SESTD1: variants seen among roughly 807,000 people sequenced by gnomAD.
SESTD1 encodes SEC14 and spectrin domain containing 1, also known as SEC14 domain and spectrin repeat-containing protein 1.
In SESTD1, 43 loss-of-function variants were observed where a neutral mutation model predicts 101.7. The observed-to-expected ratio is 0.42, with a 90% CI of 0.33 to 0.55. SESTD1 has a LOEUF of 0.55. Among genes scored for constraint, SESTD1 ranks in the 20% least tolerant of loss-of-function variants. The probability of loss-of-function intolerance (pLI) is 0.07; values close to 1 mark genes in which losing one functional copy is unlikely to be tolerated. For missense variants in SESTD1, 647 were observed against 815.1 expected (o/e 0.79, Z 2.51); for synonymous variants, 283 against 286.8 (o/e 0.99, Z 0.13).
chr2:179,132,652 T>C (rs911278925), intron 9 of SESTD1, among the ~76,000 whole-genome samples: 1 of 152,230 alleles, frequency 6.6e-6, no homozygotes, highest in African/African-American at 2.4e-5. Flanking sequence ...ATCACAAGCT[T>C]TCAGCTATCT....
chr2:179,195,020 A>G (rs2046369035), intron 1 of SESTD1, among the ~76,000 whole-genome samples: 1 of 152,214 alleles, frequency 6.6e-6, no homozygotes, highest in African/African-American at 2.4e-5. Context: ...CTACAGAGAA[A>G]GAAAAATGCA....
chr2:179,188,798 A>G (rs1436291415), intron 2 of SESTD1, among the ~76,000 whole-genome samples: 2 of 152,174 alleles, frequency 1.3e-5, no homozygotes, highest in African/African-American at 4.8e-5. Context: ...AATACAAAAG[A>G]CTTCTGTGCA....
chr2:179,208,147 C>T (rs2046612006), intron 1 of SESTD1, among the ~76,000 whole-genome samples: 1 of 134,110 alleles, frequency 7.5e-6, no homozygotes, highest in East Asian at 2.0e-4. Flanking sequence ...AAAGACAAGG[C>T]TTTCGAATTA....
At chr2:179,165,241 T>C (rs917491737) in intron 5 of SESTD1, among the ~76,000 whole-genome samples, 1 of 152,154 alleles carries the variant, frequency 6.6e-6, no homozygotes, top group African/African-American at 2.4e-5. Flanking sequence ...AGAAAACATA[T>C]TGATATAAGA....
chr2:179,191,706 T>G (rs559428560), intron 2 of SESTD1, 81 bp downstream of exon 2: 1 of 1,122,184 alleles, frequency 8.9e-7, no homozygotes, highest in African/African-American at 1.6e-5. Flanking sequence ...TAAAAAAAAA[T>G]GCATCTGTCA....
rs369382870 is a variant in SESTD1 at position 179,240,931 on chromosome 2, T to C, written c.-26+23568A>G. On this transcript the variant is annotated intron_variant, in intron 1 of 17. Transcript: ENST00000428443. ...GACAATGATTTTAAAGCAGCCATGA[T>C]GAAAATGCTTCCACAAGGAATTATG... Among the ~76,000 whole-genome samples the C allele has an allele frequency of 3.9e-5, 6 of 152,200 alleles. No homozygotes were observed. In the South Asian group the frequency reaches 6.2e-4, roughly 16 times the overall value.
intron 1 of SESTD1, among the ~76,000 whole-genome samples, chr2:179,248,917 C>CA (rs1473118625): frequency 1.7e-3 from 170 of 102,666 alleles, no homozygotes; most frequent in South Asian, 5.9e-3. Context: ...CCTGTCTGTA[C>CA]AAAAAAAAAA....
At chr2:179,263,468 A>G (rs1002216964) in intron 1 of SESTD1, among the ~76,000 whole-genome samples, 4 of 152,210 alleles carry the variant, frequency 2.6e-5, no homozygotes, top group Non-Finnish European at 5.9e-5. Context: ...GTAGGTATGT[A>G]TAAGGATTAG....
At chr2:179,182,797 A>G (rs1042488821) in intron 3 of SESTD1, among the ~76,000 whole-genome samples, 19 of 152,122 alleles carry the variant, frequency 1.2e-4, no homozygotes, top group Admixed American at 1.2e-3. Context: ...AAATTCTCCA[A>G]TTTTCCTAAA....
rs146238516 is a variant in SESTD1, at chr2:179,124,402, A to G, written c.1129T>C (p.Leu377=). Residue 377 remains leucine (L), a synonymous_variant, in exon 11 of 18, where the codon TTA becomes CTA. Transcript: ENST00000428443. ...CCATGAAATTCAAGAGCTGCTTGTA[A>G]GAGATTTTGCCTAAATTCCAGCTGA... The part of the protein sequence containing the change: ...ASQLEFRQNL[L]QAALEFHGVA... The G allele has an allele frequency of 5.5e-5, 88 of 1,614,098 alleles. No individual in the cohort carries two copies. The highest frequency in any genetic ancestry group is 4.2e-4 in the East Asian group (19 of 44,868).
chr2:179,161,531 C>T (rs988326235), intron 5 of SESTD1, among the ~76,000 whole-genome samples: 1 of 152,000 alleles, frequency 6.6e-6, no homozygotes, highest in African/African-American at 2.4e-5. Flanking sequence ...CGTGGTGGCA[C>T]ATGCCTGCAG....
chr2:179,107,515 C>A lies in SESTD1; in HGVS notation c.*2384G>T, dbSNP rs2044409742. The A allele has an allele frequency of 6.6e-6, 1 of 151,930 alleles. No individual in the cohort carries two copies. The highest frequency in any genetic ancestry group is 1.5e-5 in the Non-Finnish European group (1 of 67,994). 9.4% of individuals were successfully genotyped at this position (151,930 alleles called of 1,614,324 possible). On this transcript the variant is annotated 3_prime_UTR_variant, in exon 18 of 18. Transcript: ENST00000428443. ...AGTCTTAAGAAAAACATTCTAACTA[C>A]TCTGAAATTCAGAAGAAACAGATAT... is the stretch of plus-strand genomic sequence containing the variant.
intron 1 of SESTD1, among the ~76,000 whole-genome samples, chr2:179,200,110 A>G (rs925693982): frequency 6.6e-6 from 1 of 152,178 alleles, no homozygotes; most frequent in Admixed American, 6.5e-5. Flanking sequence ...CAAAAATCAC[A>G]AGCATTCTTA....
In SESTD1 at chr2:179,191,862, T is replaced by G. The variant is rs1211496688; in HGVS notation, c.-21A>C. ...TCCATTTTACTCCAGTGAACTTCCT[T>G]AATTCTGAAAACACAGAAAGTCAAA... On this transcript the variant is annotated 5_prime_UTR_variant, in exon 2 of 18. Coordinates refer to ENST00000428443, the MANE Select transcript of SESTD1 (RefSeq NM_178123.5). 1 of 1,598,732 alleles carries G rather than the reference T, an allele frequency of 6.3e-7. No homozygotes were observed. The highest frequency in any genetic ancestry group is 1.3e-5 in the African/African-American group (1 of 74,300).
chr2:179,154,449 T>C (rs1575447367), intron 5 of SESTD1, among the ~76,000 whole-genome samples: 1 of 152,260 alleles, frequency 6.6e-6, no homozygotes, highest in East Asian at 1.9e-4. Flanking sequence ...GAAGGAATAA[T>C]AGAACTAGAT....
chr2:179,137,332 A>G (rs147186882), intron 9 of SESTD1, among the ~76,000 whole-genome samples: 3 of 152,310 alleles, frequency 2.0e-5, no homozygotes, highest in African/African-American at 7.2e-5. Context: ...AGAAGTATGC[A>G]AAGTCAAACC....
chr2:179,258,826 T>C (rs1287980118), intron 1 of SESTD1, among the ~76,000 whole-genome samples: 1 of 152,192 alleles, frequency 6.6e-6, no homozygotes, highest in Non-Finnish European at 1.5e-5. Flanking sequence ...TATGGGAAAA[T>C]GAAGTATCAT....
At chr2:179,174,584 A>G (rs993730263) in intron 4 of SESTD1, 23 of 378,868 alleles carry the variant, frequency 6.1e-5, no homozygotes, top group Admixed American at 5.0e-4. Flanking sequence ...TTGAAATATA[A>G]AAGTGCTGGA....
At chr2:179,150,178 T>C (rs1048013996) in intron 6 of SESTD1, among the ~76,000 whole-genome samples, 1 of 152,178 alleles carries the variant, frequency 6.6e-6, no homozygotes, top group African/African-American at 2.4e-5. Flanking sequence ...TGTGTGGTGA[T>C]CATGCCACTG....
Sources: gnomAD v4.1 joint callset for allele counts (sites outside exome capture counted in the v4.1 genomes callset) on GRCh38, gnomAD v4.1.1 for gene constraint, MANE v1.5 for transcripts, NCBI Gene and HGNC (gene_info 2026-07-23, HGNC 2026-07-21) for gene names.